The following ADGRL3 variants were observed in gnomAD, a reference collection of about 807,000 sequenced individuals.
ADGRL3 encodes the protein calcium-independent alpha-latrotoxin receptor 3.
A neutral mutation model predicts 153.5 loss-of-function variants in ADGRL3; 62 were observed. That is an observed-to-expected ratio of 0.40 (90% CI 0.33 to 0.50). The LOEUF is 0.50. ADGRL3 is among the 20% of genes least tolerant of loss of function. ADGRL3 has a pLI of 0.47. For missense variants in ADGRL3, 1,641 were observed against 1,859.4 expected, an observed-to-expected ratio of 0.88 and a Z score of 2.16; for synonymous variants, 710 against 672.5, an observed-to-expected ratio of 1.06 and a Z score of -0.86.
At chr4:61,692,772 T>A (rs1342324005) in intron 6 of ADGRL3, among the ~76,000 whole-genome samples, 1 of 152,138 alleles carries the variant, frequency 6.6e-6, no homozygotes, top group Non-Finnish European at 1.5e-5. Context: ...TGTTAATACT[T>A]CTTTAAATTT....
intron 6 of ADGRL3, among the ~76,000 whole-genome samples, chr4:61,729,198 C>G (rs572847716): frequency 4.9e-4 from 75 of 151,738 alleles, no homozygotes; most frequent in Non-Finnish European, 8.7e-4. Context: ...CCCCCGATGC[C>G]AAAATAAAAG....
intron 2 of ADGRL3, among the ~76,000 whole-genome samples, chr4:61,391,729 A>C (rs1047358150): frequency 6.6e-5 from 10 of 152,032 alleles, no homozygotes; most frequent in African/African-American, 2.4e-4. Context: ...GATGGTATGC[A>C]GAAAGTTTTA....
chr4:61,961,993 A>G (rs952688240), intron 17 of ADGRL3, among the ~76,000 whole-genome samples: 1 of 152,074 alleles, frequency 6.6e-6, no homozygotes, highest in Non-Finnish European at 1.5e-5. Flanking sequence ...TATGTTGTGC[A>G]TGTGTGTATA....
chr4:62,053,514 A>T (rs1582078946), intron 25 of ADGRL3, among the ~76,000 whole-genome samples: 3 of 151,618 alleles, frequency 2.0e-5, no homozygotes. Context: ...CCACATTCAT[A>T]GAAGGTAATT....
intron 6 of ADGRL3, among the ~76,000 whole-genome samples, chr4:61,680,312 T>A (rs1374724337): frequency 6.6e-6 from 1 of 151,888 alleles, no homozygotes; most frequent in Non-Finnish European, 1.5e-5. Flanking sequence ...GACCACAAAC[T>A]TTAGTGCTTG....
intron 25 of ADGRL3, among the ~76,000 whole-genome samples, chr4:62,060,109 G>A (rs541806574): frequency 9.2e-5 from 14 of 152,022 alleles, no homozygotes; most frequent in African/African-American, 3.1e-4. Context: ...ACAGAAACCA[G>A]AAAGTTGAGT....
intron 9 of ADGRL3, among the ~76,000 whole-genome samples, chr4:61,853,131 C>G (rs1368621282): frequency 6.6e-6 from 1 of 151,972 alleles, no homozygotes; most frequent in Non-Finnish European, 1.5e-5. Context: ...GGAGCCACTG[C>G]CCCTGGCTGA....
At chr4:61,873,963 G>A (rs993286223) in intron 9 of ADGRL3, among the ~76,000 whole-genome samples, 1 of 152,088 alleles carries the variant, frequency 6.6e-6, no homozygotes, top group African/African-American at 2.4e-5. Context: ...CCATGTTTGA[G>A]AACTCTTGCT....
intron 8 of ADGRL3, chr4:61,775,710 G>T: frequency 2.4e-6 from 3 of 1,276,010 alleles, no homozygotes; most frequent in Non-Finnish European, 3.4e-6. Context: ...CACAAAGGTG[G>T]GCTTGGTGCT....
chr4:61,478,365 G>A (rs977620093), intron 2 of ADGRL3, among the ~76,000 whole-genome samples: 3 of 151,922 alleles, frequency 2.0e-5, no homozygotes, highest in African/African-American at 7.2e-5. Flanking sequence ...CTGGACCACT[G>A]TGAATCAACA....
chr4:61,470,843 A>G (rs559344218), intron 2 of ADGRL3, among the ~76,000 whole-genome samples: 82 of 151,922 alleles, frequency 5.4e-4, no homozygotes, highest in Non-Finnish European at 1.1e-3. Flanking sequence ...TTCATTTACC[A>G]CCCGAAGGAA....
At chr4:61,520,934 A>T (rs2098527304) in intron 4 of ADGRL3, among the ~76,000 whole-genome samples, 1 of 152,046 alleles carries the variant, frequency 6.6e-6, no homozygotes, top group African/African-American at 2.4e-5. Flanking sequence ...TCCCCTCCAG[A>T]GCACCAACAA....
chr4:61,921,476 T>A (rs761216064), intron 13 of ADGRL3, among the ~76,000 whole-genome samples: 8 of 152,156 alleles, frequency 5.3e-5, no homozygotes, highest in Non-Finnish European at 1.2e-4. Flanking sequence ...TGGAGTACAG[T>A]GGCGTGATCT....
chr4:61,778,011 C>T (rs1176355639), intron 8 of ADGRL3, among the ~76,000 whole-genome samples: 2 of 152,094 alleles, frequency 1.3e-5, no homozygotes, highest in Non-Finnish European at 2.9e-5. Flanking sequence ...TGAAATGCTC[C>T]AAAATCTAAA....
At chr4:61,555,657 A>G (rs1414488635) in intron 4 of ADGRL3, among the ~76,000 whole-genome samples, 2 of 152,172 alleles carry the variant, frequency 1.3e-5, no homozygotes, top group African/African-American at 4.8e-5. Context: ...GAGTCTGTAA[A>G]GTGAAAACAA....
intron 2 of ADGRL3, among the ~76,000 whole-genome samples, chr4:61,456,023 C>T (rs2097731543): frequency 1.3e-5 from 2 of 151,960 alleles, no homozygotes; most frequent in African/African-American, 2.4e-5. Flanking sequence ...TCCACGTTGG[C>T]CAGGCTGGTC....
chr4:61,228,334 A>G (rs993868813), intron 1 of ADGRL3, among the ~76,000 whole-genome samples: 1 of 152,184 alleles, frequency 6.6e-6, no homozygotes. Flanking sequence ...AATGTTACTG[A>G]TACTAACATT....
chr4:61,602,609 G>A (rs2099016608), intron 5 of ADGRL3, among the ~76,000 whole-genome samples: 1 of 152,116 alleles, frequency 6.6e-6, no homozygotes, highest in South Asian at 2.1e-4. Context: ...GCTAAGATTA[G>A]TTTCAATCCC....
intron 5 of ADGRL3, among the ~76,000 whole-genome samples, chr4:61,607,874 C>G (rs1459053737): frequency 6.6e-6 from 1 of 152,110 alleles, no homozygotes; most frequent in Non-Finnish European, 1.5e-5. Flanking sequence ...AAACTGTAAA[C>G]TAAATTCCTC....
Sources: allele counts gnomAD v4.1 joint callset (sites outside exome capture counted in the v4.1 genomes callset), GRCh38; gene constraint gnomAD v4.1.1; transcripts MANE v1.5; gene names NCBI Gene and HGNC (gene_info 2026-07-23, HGNC 2026-07-21).